The following ZMYM4 variants were observed in gnomAD, a reference collection of about 807,000 sequenced individuals.
ZMYM4 encodes zinc finger MYM-type protein 4.
A neutral mutation model predicts 183.2 loss-of-function variants in ZMYM4; 31 were observed. That is an observed-to-expected ratio of 0.17 (90% confidence interval 0.13 to 0.23). ZMYM4 has a LOEUF of 0.23. Ranked by LOEUF, ZMYM4 falls within the 10% of genes least tolerant of loss-of-function variation. The pLI is 1.00. For synonymous variants in ZMYM4, 592 were observed against 631.2 expected (o/e 0.94, Z 0.93); for missense variants, 1,273 against 1,840.3 (o/e 0.69, Z 5.64).
At chr1:35,350,457 T>G (rs1643562794) in intron 2 of ZMYM4, among the ~76,000 whole-genome samples, 1 of 152,068 alleles carries the variant, frequency 6.6e-6, no homozygotes, top group Non-Finnish European at 1.5e-5. Flanking sequence ...CCCAGCTAAT[T>G]TTTCTATTTT....
At chr1:35,328,901 A>G (rs1642618993) in intron 2 of ZMYM4, among the ~76,000 whole-genome samples, 2 of 152,092 alleles carry the variant, frequency 1.3e-5, no homozygotes, top group African/African-American at 4.8e-5. Context: ...GATTAACTGT[A>G]TCTCAGGGAA....
chr1:35,414,926 TA>T, intron 27 of ZMYM4, among the ~76,000 whole-genome samples: 1 of 152,162 alleles, frequency 6.6e-6, no homozygotes, highest in East Asian at 1.9e-4. Flanking sequence ...TGGTGCCTTG[TA>T]GTCCCAGCTA....
chr1:35,314,676 T>TTTTTTC (rs1329800518), intron 1 of ZMYM4, among the ~76,000 whole-genome samples: 1 of 149,152 alleles, frequency 6.7e-6, no homozygotes, highest in Non-Finnish European at 1.5e-5. Context: ...TTTTTTTTTT[T>TTTTTTC]TTTTTGCTGG....
At chr1:35,417,086 T>TA (rs930806128) in intron 28 of ZMYM4, among the ~76,000 whole-genome samples, 19 of 152,110 alleles carry the variant, frequency 1.2e-4, no homozygotes, top group African/African-American at 4.6e-4. Flanking sequence ...TAAGAGCAGA[T>TA]ATAGGCTGAG....
At chr1:35,364,858 A>C (rs565641846) in intron 5 of ZMYM4, among the ~76,000 whole-genome samples, 1 of 152,118 alleles carries the variant, frequency 6.6e-6, no homozygotes, top group African/African-American at 2.4e-5. Context: ...TACTATATAA[A>C]CAAGGTGCTG....
Position 35,392,590 on chromosome 1 carries a change from A to G in ZMYM4, c.2729-57A>G. The G allele has an allele frequency of 4.0e-6, 6 of 1,485,838 alleles. 1 individual carries two copies. In the South Asian group the frequency reaches 7.3e-5, roughly 18 times the overall value. 92.0% of individuals were successfully genotyped at this position (1,485,838 alleles called of 1,614,324 possible). Reference sequence around the variant, plus strand: ...TTTATGTACTGATAATCAGCTTTTAATGCTAATGTTAAAATAATTGTAAAG... The same window carrying G: ...TTTATGTACTGATAATCAGCTTTTAGTGCTAATGTTAAAATAATTGTAAAG... On this transcript the variant is annotated intron_variant, in intron 16 of 29. Coordinates refer to ENST00000314607, the MANE Select transcript of ZMYM4 (RefSeq NM_005095.3).
At chr1:35,309,955 TTCAC>T (rs1302199185) in intron 1 of ZMYM4, among the ~76,000 whole-genome samples, 1 of 150,598 alleles carries the variant, frequency 6.6e-6, no homozygotes, top group Admixed American at 6.6e-5. Flanking sequence ...GAGATGGAGT[TTCAC>T]TCTTGTCGCC....
chr1:35,313,452 G>T (rs1277597174), intron 1 of ZMYM4, among the ~76,000 whole-genome samples: 1 of 143,254 alleles, frequency 7.0e-6, no homozygotes, highest in Middle Eastern at 3.9e-3. Context: ...GTAGTAGCAC[G>T]ATCTCAGCCC....
At chr1:35,283,766 A>G (rs531550932) in intron 1 of ZMYM4, among the ~76,000 whole-genome samples, 2 of 151,898 alleles carry the variant, frequency 1.3e-5, no homozygotes, top group Admixed American at 6.6e-5. Flanking sequence ...TCCTTTGTGC[A>G]TGTTTTTTAA....
At chr1:35,282,709 CTA>C (rs1390815380) in intron 1 of ZMYM4, among the ~76,000 whole-genome samples, 1 of 152,078 alleles carries the variant, frequency 6.6e-6, no homozygotes, top group African/African-American at 2.4e-5. Context: ...ATGTGCAACA[CTA>C]TGCCCAGCTA....
At chr1:35,316,981 G>A (rs1002159159) in intron 1 of ZMYM4, among the ~76,000 whole-genome samples, 1 of 151,802 alleles carries the variant, frequency 6.6e-6, no homozygotes, top group African/African-American at 2.4e-5. Flanking sequence ...AATTAGCTGG[G>A]CATGGTGGCA....
intron 1 of ZMYM4, among the ~76,000 whole-genome samples, chr1:35,315,124 C>G (rs1641988300): frequency 6.8e-6 from 1 of 146,164 alleles, no homozygotes; most frequent in Non-Finnish European, 1.5e-5. Context: ...GCTCTATTCT[C>G]TATATTCAGT....
intron 6 of ZMYM4, 69 bp downstream of exon 6, chr1:35,370,182 T>G: frequency 6.4e-7 from 1 of 1,568,848 alleles, no homozygotes; most frequent in African/African-American, 1.4e-5. Flanking sequence ...AAATTCTGCT[T>G]GTATTAATAA....
At chr1:35,418,930 A>G (rs1278682320) in intron 29 of ZMYM4, among the ~76,000 whole-genome samples, 3 of 152,192 alleles carry the variant, frequency 2.0e-5, no homozygotes, top group African/African-American at 7.2e-5. Context: ...AGGAATTGAA[A>G]TTTTCTAAGT....
intron 2 of ZMYM4, among the ~76,000 whole-genome samples, chr1:35,330,451 G>T (rs7543345): frequency 0.032 from 4,924 of 152,236 alleles, 120 homozygotes; most frequent in Middle Eastern, 0.061. Flanking sequence ...GGAGTAGGGA[G>T]GAAGGAGAGC....
intron 2 of ZMYM4, among the ~76,000 whole-genome samples, chr1:35,349,099 G>A (rs1232171425): frequency 6.6e-6 from 1 of 152,084 alleles, no homozygotes; most frequent in African/African-American, 2.4e-5. Flanking sequence ...GGGTTCAAGC[G>A]ATTCTCGTGC....
intron 23 of ZMYM4, chr1:35,400,418 G>A (rs1644886664): frequency 6.6e-6 from 1 of 151,590 alleles, no homozygotes; most frequent in African/African-American, 2.4e-5. Flanking sequence ...TGTTAGCCAG[G>A]ATGGTCTCGA....
At position 35,355,326 on chromosome 1, in the gene ZMYM4, C is replaced by T. The variant is rs1457099091; in HGVS notation, c.86-3599C>T. ...CCTCCCAAAGTGCTGGGATTACAGG[C>T]GTGAGCCACCGCACCCAGCCATCTG... On this transcript the variant is annotated intron_variant, in intron 2 of 29. Transcript: ENST00000314607. 2.3e-4 allele frequency among the ~76,000 whole-genome samples: 34 copies of T among 150,866 alleles called. 1 individual carries two copies. Among genetic ancestry groups the T allele is most frequent in the Admixed American group, 2.2e-3 (33 of 15,090 alleles).
At chr1:35,307,644 C>T (rs1379893888) in intron 1 of ZMYM4, among the ~76,000 whole-genome samples, 4 of 150,624 alleles carry the variant, frequency 2.7e-5, no homozygotes, top group Non-Finnish European at 5.9e-5. Flanking sequence ...ACGCCATTCT[C>T]CTGCCTCAGC....
Sources: gnomAD v4.1 joint callset for allele counts (sites outside exome capture counted in the v4.1 genomes callset) on GRCh38, gnomAD v4.1.1 for gene constraint, MANE v1.5 for transcripts, NCBI Gene and HGNC (gene_info 2026-07-23, HGNC 2026-07-21) for gene names.